Variants in PEX7 observed in about 807,000 individuals in gnomAD.
PEX7 encodes PTS2 receptor.
In PEX7, 34 loss-of-function variants were observed where a neutral mutation model predicts 47.5. The ratio of observed to expected loss-of-function variants is 0.72; its 90% CI spans 0.54 to 0.95. The LOEUF is 0.95. Among genes scored for constraint, PEX7 ranks in the 40% least tolerant of loss-of-function variants. The pLI, the probability that PEX7 is intolerant of heterozygous loss-of-function variation, is 0.00. For synonymous variants in PEX7, 141 were observed against 148.8 expected, an observed-to-expected ratio of 0.95 and a Z score of 0.38; for missense variants, 394 against 400.3, an observed-to-expected ratio of 0.98 and a Z score of 0.13.
intron 8 of PEX7, among the ~76,000 whole-genome samples, chr6:136,896,697 C>T (rs1775657392): frequency 6.6e-6 from 1 of 152,130 alleles, no homozygotes; most frequent in South Asian, 2.1e-4. Context: ...TCCTTTAACT[C>T]ATTTTTTGCC....
At chr6:136,834,431 G>T (rs1774350729) in intron 3 of PEX7, among the ~76,000 whole-genome samples, 1 of 152,190 alleles carries the variant, frequency 6.6e-6, no homozygotes, top group Non-Finnish European at 1.5e-5. Flanking sequence ...TGCCCAGGCT[G>T]GTCTGGAACA....
chr6:136,862,001 T>C (rs910847683), intron 5 of PEX7, among the ~76,000 whole-genome samples: 4 of 141,658 alleles, frequency 2.8e-5, no homozygotes, highest in African/African-American at 1.0e-4. Flanking sequence ...AAGCTATATA[T>C]ATATATTTTT....
chr6:136,908,011 A>G (rs2115291294), intron 9 of PEX7, among the ~76,000 whole-genome samples: 1 of 152,246 alleles, frequency 6.6e-6, no homozygotes, highest in African/African-American at 2.4e-5. Flanking sequence ...TTTATGTAGC[A>G]TTTAGTCCAG....
chr6:136,882,175 C>CTTTTTTT (rs35653586), intron 8 of PEX7, among the ~76,000 whole-genome samples: 113 of 104,296 alleles, frequency 1.1e-3, no homozygotes, highest in Non-Finnish European at 1.5e-3. Context: ...TCTTCTTCTT[C>CTTTTTTT]TTTTTTTTTT....
intron 6 of PEX7, among the ~76,000 whole-genome samples, chr6:136,869,319 G>A (rs765335476): frequency 1.3e-5 from 2 of 152,040 alleles, no homozygotes; most frequent in Non-Finnish European, 2.9e-5. Flanking sequence ...ATACCACACT[G>A]TAGCCTCTGA....
intron 5 of PEX7, among the ~76,000 whole-genome samples, chr6:136,853,034 A>C (rs1161938550): frequency 2.0e-5 from 3 of 150,494 alleles, no homozygotes; most frequent in African/African-American, 7.3e-5. Context: ...GATCTTTGAC[A>C]AACCTGAGAA....
intron 8 of PEX7, among the ~76,000 whole-genome samples, chr6:136,897,123 C>T (rs961155654): frequency 2.0e-5 from 3 of 152,144 alleles, no homozygotes; most frequent in South Asian, 2.1e-4. Flanking sequence ...TTATCCATAG[C>T]GACAACCCTT....
At chr6:136,841,882 G>C (rs903231582) in intron 3 of PEX7, among the ~76,000 whole-genome samples, 3 of 147,052 alleles carry the variant, frequency 2.0e-5, no homozygotes, top group African/African-American at 7.5e-5. Context: ...CACCGTGCCT[G>C]GTGTAATTAC....
intron 8 of PEX7, among the ~76,000 whole-genome samples, chr6:136,872,606 G>C (rs1205627277): frequency 3.3e-5 from 5 of 152,138 alleles, no homozygotes; most frequent in Non-Finnish European, 5.9e-5. Flanking sequence ...CTAATTATAT[G>C]AGTCGTAAGG....
intron 3 of PEX7, among the ~76,000 whole-genome samples, 194 bp from the exon 4 acceptor site, chr6:136,845,421 A>G (rs1213007391): frequency 6.6e-6 from 1 of 152,224 alleles, no homozygotes; most frequent in Non-Finnish European, 1.5e-5. Flanking sequence ...TCTTATCTGT[A>G]AGGAATAAGT....
At chr6:136,892,214 GCTGA>G (rs1230134089) in intron 8 of PEX7, among the ~76,000 whole-genome samples, 1 of 152,120 alleles carries the variant, frequency 6.6e-6, no homozygotes, top group African/African-American at 2.4e-5. Context: ...ATTGTAAGTG[GCTGA>G]CTAATGGACT....
At chr6:136,889,143 A>G (rs1775515588) in intron 8 of PEX7, among the ~76,000 whole-genome samples, 1 of 152,194 alleles carries the variant, frequency 6.6e-6, no homozygotes, top group South Asian at 2.1e-4. Flanking sequence ...ATTTTTTAAT[A>G]TGTCCCGAAA....
intron 5 of PEX7, among the ~76,000 whole-genome samples, chr6:136,854,993 C>G (rs147941753): frequency 0.054 from 8,222 of 151,696 alleles, 299 homozygotes; most frequent in Middle Eastern, 0.11. Context: ...GAGGCTGAGG[C>G]AGGAGAATCA....
At chr6:136,912,750 C>T (rs55875834) in intron 9 of PEX7, among the ~76,000 whole-genome samples, 5,883 of 152,300 alleles carry the variant, frequency 0.039, 195 homozygotes, top group African/African-American at 0.092. Flanking sequence ...TATTAAAAAA[C>T]GAGTATATAG....
intron 4 of PEX7, among the ~76,000 whole-genome samples, 155 bp from the exon 5 acceptor site, chr6:136,845,918 T>C (rs554310671): frequency 1.3e-5 from 2 of 152,362 alleles, no homozygotes; most frequent in South Asian, 4.1e-4. Context: ...ACAGTCTTGC[T>C]TTATATCAAA....
intron 5 of PEX7, chr6:136,855,629 C>T (rs149448883): frequency 1.2e-4 from 28 of 237,482 alleles, no homozygotes; most frequent in East Asian, 1.5e-4. Flanking sequence ...CATGAGCCAC[C>T]GTGCCCGGCC....
At chr6:136,845,946 C>T (rs528971515) in intron 4 of PEX7, 127 bp from the exon 5 acceptor site, 15 of 699,944 alleles carry the variant, frequency 2.1e-5, no homozygotes, top group Non-Finnish European at 3.5e-5. Flanking sequence ...TTTAAAAATC[C>T]TTGAGATCTG....
At chr6:136,836,370 T>G (rs1414108299) in intron 3 of PEX7, among the ~76,000 whole-genome samples, 1 of 151,414 alleles carries the variant, frequency 6.6e-6, no homozygotes, top group Non-Finnish European at 1.5e-5. Flanking sequence ...AAAGAGGGGG[T>G]AAGGTAGAAA....
At chr6:136,835,923 T>C (rs1774377404) in intron 3 of PEX7, among the ~76,000 whole-genome samples, 2 of 152,214 alleles carry the variant, frequency 1.3e-5, no homozygotes, top group South Asian at 4.1e-4. Context: ...ATGGAAACTA[T>C]AATAGAATAT....
Sources: allele counts gnomAD v4.1 joint callset (sites outside exome capture counted in the v4.1 genomes callset), GRCh38; gene constraint gnomAD v4.1.1; transcripts MANE v1.5; gene names NCBI Gene and HGNC (gene_info 2026-07-23, HGNC 2026-07-21).